Variants in TCF12 observed in about 807,000 individuals in gnomAD.
TCF12 encodes the protein DNA-binding protein HTF4.
A neutral mutation model predicts 86.0 loss-of-function variants in TCF12; 45 were observed. The observed-to-expected ratio is 0.52, with a 90% CI of 0.41 to 0.67. TCF12 has a LOEUF of 0.67. TCF12 is among the 30% of genes least tolerant of loss of function. The probability of loss-of-function intolerance (pLI) is 0.00; values close to 1 mark genes in which losing one functional copy is unlikely to be tolerated. For missense variants in TCF12, 881 were observed against 859.9 expected, an observed-to-expected ratio of 1.02 and a Z score of -0.31; for synonymous variants, 330 against 299.6, an observed-to-expected ratio of 1.10 and a Z score of -1.05.
chr15:57,225,313 C>T (rs1020168777), intron 8 of TCF12, among the ~76,000 whole-genome samples: 6 of 140,394 alleles, frequency 4.3e-5, no homozygotes, highest in African/African-American at 1.6e-4. Flanking sequence ...GATCTCAGCT[C>T]ACTGCAAGCT....
In TCF12 at chr15:57,289,126, A is replaced by G. The variant is rs1475575277; in HGVS notation, c.*2981A>G. On this transcript the variant is annotated 3_prime_UTR_variant, in exon 21 of 21. Coordinates refer to ENST00000333725, the MANE Select transcript of TCF12 (RefSeq NM_207037.2). ...ACCTGTGCGTGCGAAACCCATGGCA[A>G]TTGTCACATCCTCTTGGTATGCTGG... 1 of 152,180 alleles carries G rather than the reference A, an allele frequency of 6.6e-6. No homozygotes were observed. The highest frequency in any genetic ancestry group is 2.4e-5 in the African/African-American group (1 of 41,444). The allele number at this position is 152,180 out of a possible 1,614,324, so 9.4% of individuals were successfully genotyped here. A position where few individuals can be genotyped will look rare whatever the true frequency, so the allele number is the denominator to read the frequency against.
At chr15:57,060,567 T>C (rs938106176) in intron 3 of TCF12, among the ~76,000 whole-genome samples, 4 of 152,216 alleles carry the variant, frequency 2.6e-5, no homozygotes, top group Non-Finnish European at 5.9e-5. Context: ...TTCTCTTACA[T>C]CTGCCATTTT....
chr15:56,941,582 C>T (rs2060779139), intron 3 of TCF12, among the ~76,000 whole-genome samples: 1 of 151,836 alleles, frequency 6.6e-6, no homozygotes, highest in African/African-American at 2.4e-5. Context: ...ATTATGTTGG[C>T]CAGGCTGGTC....
chr15:57,106,616 G>A (rs1321361436), intron 5 of TCF12, among the ~76,000 whole-genome samples: 1 of 152,120 alleles, frequency 6.6e-6, no homozygotes, highest in African/African-American at 2.4e-5. Flanking sequence ...ATTGCTCAAG[G>A]TAATGAAAAA....
chr15:57,248,226 C>CA, intron 13 of TCF12: 1 of 638,816 alleles, frequency 1.6e-6, no homozygotes, highest in South Asian at 1.9e-5. Context: ...GAAATGGTGC[C>CA]ACCATGTTTA....
intron 3 of TCF12, among the ~76,000 whole-genome samples, chr15:57,021,669 T>C (rs1233703189): frequency 6.6e-6 from 1 of 152,162 alleles, no homozygotes; most frequent in Non-Finnish European, 1.5e-5. Context: ...ACCTAACAGA[T>C]AGGAGTTCTT....
intron 3 of TCF12, among the ~76,000 whole-genome samples, chr15:57,017,977 A>G (rs2065251685): frequency 6.6e-6 from 1 of 152,210 alleles, no homozygotes; most frequent in African/African-American, 2.4e-5. Flanking sequence ...CAGGGAGTGT[A>G]AGAATCACCC....
At chr15:57,181,811 T>C (rs2056370996) in intron 6 of TCF12, among the ~76,000 whole-genome samples, 2 of 152,206 alleles carry the variant, frequency 1.3e-5, no homozygotes, top group Non-Finnish European at 2.9e-5. Context: ...TTATTGTAGA[T>C]TTTATCCCAT....
intron 13 of TCF12, among the ~76,000 whole-genome samples, chr15:57,250,723 C>A: frequency 6.7e-6 from 1 of 148,412 alleles, no homozygotes; most frequent in African/African-American, 2.5e-5. Context: ...AGCAAGATGC[C>A]ATCTCAAAAA....
chr15:56,967,948 ATGTTTGTT>A (rs113947083), intron 3 of TCF12, among the ~76,000 whole-genome samples: 1 of 151,876 alleles, frequency 6.6e-6, no homozygotes, highest in Non-Finnish European at 1.5e-5. Context: ...GTTGCTAATT[ATGTTTGTT>A]TGTTTGTTTG....
chr15:57,049,617 A>G (rs1256610228), intron 3 of TCF12, among the ~76,000 whole-genome samples: 3 of 152,202 alleles, frequency 2.0e-5, no homozygotes, highest in African/African-American at 7.2e-5. Flanking sequence ...TTGGGTATCT[A>G]TAGACATTAG....
chr15:57,265,449 C>A (rs2060817438), intron 18 of TCF12, among the ~76,000 whole-genome samples: 1 of 152,128 alleles, frequency 6.6e-6, no homozygotes. Context: ...TTGTTTCTAC[C>A]TTGCTCCCTG....
intron 5 of TCF12, among the ~76,000 whole-genome samples, chr15:57,114,278 A>T (rs1011484223): frequency 1.4e-4 from 21 of 152,238 alleles, no homozygotes; most frequent in African/African-American, 5.1e-4. Flanking sequence ...AGAAGAAACT[A>T]TAGGCATTTA....
intron 8 of TCF12, among the ~76,000 whole-genome samples, chr15:57,213,008 A>G (rs1302132562): frequency 6.6e-6 from 1 of 152,252 alleles, no homozygotes; most frequent in Non-Finnish European, 1.5e-5. Flanking sequence ...TGCTACTGCT[A>G]CATAGAACAA....
intron 3 of TCF12, among the ~76,000 whole-genome samples, chr15:56,987,150 G>T (rs541023501): frequency 6.6e-6 from 1 of 150,894 alleles, no homozygotes; most frequent in African/African-American, 2.4e-5. Flanking sequence ...CGCTCTTGTT[G>T]CCCAGGCCTG....
chr15:57,218,453 C>T (rs1379616739), intron 8 of TCF12, among the ~76,000 whole-genome samples: 1 of 152,112 alleles, frequency 6.6e-6, no homozygotes. Flanking sequence ...ACTTTTAAAA[C>T]CTTTTGACTT....
At chr15:57,183,045 A>G (rs561841293) in intron 6 of TCF12, among the ~76,000 whole-genome samples, 7 of 152,314 alleles carry the variant, frequency 4.6e-5, no homozygotes, top group East Asian at 1.9e-4. Context: ...TGTGAAATCT[A>G]TATAATACTT....
intron 5 of TCF12, among the ~76,000 whole-genome samples, chr15:57,115,400 A>G (rs2615232): frequency 0.98 from 149,095 of 152,318 alleles, 73,061 homozygotes; most frequent in East Asian, 1. Context: ...GTAATTTTTG[A>G]TGAAATTGGC....
intron 6 of TCF12, among the ~76,000 whole-genome samples, chr15:57,187,002 G>A (rs1471632320): frequency 1.3e-5 from 2 of 152,082 alleles, no homozygotes; most frequent in African/African-American, 4.8e-5. Context: ...CCAACATGAT[G>A]AAACTCTGTC....
Sources: gnomAD v4.1 joint callset for allele counts (sites outside exome capture counted in the v4.1 genomes callset) on GRCh38, gnomAD v4.1.1 for gene constraint, MANE v1.5 for transcripts, NCBI Gene and HGNC (gene_info 2026-07-23, HGNC 2026-07-21) for gene names.